RBMS3: variants seen among roughly 807,000 people sequenced by gnomAD.
RBMS3 encodes the protein RNA binding motif single stranded interacting protein 3.
In RBMS3, 27 loss-of-function variants were observed where a neutral mutation model predicts 66.8. The ratio of observed to expected loss-of-function variants is 0.40; its 90% CI spans 0.30 to 0.56. The LOEUF is 0.56. Ranked by LOEUF, RBMS3 falls within the 20% of genes least tolerant of loss-of-function variation. The pLI, the probability that RBMS3 is intolerant of heterozygous loss-of-function variation, is 0.40. For missense variants in RBMS3, 513 were observed against 549.5 expected (o/e 0.93, Z 0.66); for synonymous variants, 188 against 183.0 (o/e 1.03, Z -0.22).
intron 12 of RBMS3, among the ~76,000 whole-genome samples, chr3:29,975,324 G>A (rs1697511944): frequency 1.3e-5 from 2 of 151,328 alleles, no homozygotes; most frequent in Admixed American, 6.6e-5. Flanking sequence ...TTCTGCAAAT[G>A]TTCTGCTTAA....
At chr3:29,931,316 G>A (rs1423994455) in intron 10 of RBMS3, among the ~76,000 whole-genome samples, 1 of 152,118 alleles carries the variant, frequency 6.6e-6, no homozygotes, top group East Asian at 1.9e-4. Flanking sequence ...CAATAATAAA[G>A]GGGAAGGAGG....
intron 1 of RBMS3, among the ~76,000 whole-genome samples, chr3:29,361,479 C>T (rs12631178): frequency 6.6e-6 from 1 of 152,008 alleles, no homozygotes; most frequent in Non-Finnish European, 1.5e-5. Context: ...CTGCCCTTAA[C>T]ATTTTTTCCT....
At chr3:29,765,311 T>G (rs906321843) in intron 6 of RBMS3, among the ~76,000 whole-genome samples, 1 of 151,966 alleles carries the variant, frequency 6.6e-6, no homozygotes, top group Non-Finnish European at 1.5e-5. Context: ...CTTTCAGAAA[T>G]GTATGTCTTA....
intron 12 of RBMS3, among the ~76,000 whole-genome samples, chr3:29,969,068 A>C (rs1214779814): frequency 8.1e-6 from 1 of 122,908 alleles, no homozygotes; most frequent in Non-Finnish European, 1.5e-5. Flanking sequence ...GAAAATAATT[A>C]AAGTAATTAG....
intron 1 of RBMS3, among the ~76,000 whole-genome samples, chr3:29,343,366 A>G (rs2036391655): frequency 6.6e-6 from 1 of 152,152 alleles, no homozygotes; most frequent in South Asian, 2.1e-4. Context: ...TGAGAAATCT[A>G]CATTAATTGA....
At chr3:29,433,961 CA>C (rs1244365570) in intron 1 of RBMS3, among the ~76,000 whole-genome samples, 1 of 152,114 alleles carries the variant, frequency 6.6e-6, no homozygotes. Flanking sequence ...GGGGAATGGG[CA>C]TTACTAGAAT....
chr3:29,307,992 T>A (rs933103137), intron 1 of RBMS3, among the ~76,000 whole-genome samples: 28 of 151,918 alleles, frequency 1.8e-4, no homozygotes, highest in African/African-American at 6.8e-4. Flanking sequence ...CTCACACTTT[T>A]GCTTTTGAGT....
At chr3:29,752,780 A>G (rs2055238821) in intron 5 of RBMS3, among the ~76,000 whole-genome samples, 1 of 152,090 alleles carries the variant, frequency 6.6e-6, no homozygotes, top group South Asian at 2.1e-4. Flanking sequence ...TCACAAAAAC[A>G]TGACTCTTAG....
At chr3:29,528,759 G>A (rs2045235323) in intron 3 of RBMS3, among the ~76,000 whole-genome samples, 2 of 152,076 alleles carry the variant, frequency 1.3e-5, no homozygotes, top group Non-Finnish European at 2.9e-5. Flanking sequence ...TTGAGATGGA[G>A]TTTTACTCCT....
At chr3:29,586,660 G>A (rs865868677) in intron 3 of RBMS3, among the ~76,000 whole-genome samples, 37 of 152,186 alleles carry the variant, frequency 2.4e-4, no homozygotes, top group Non-Finnish European at 2.2e-4. Context: ...TGTGTGCCAA[G>A]CACTACTGCA....
rs796877027 is a variant in RBMS3 at position 29,822,796 on chromosome 3, C to T, written c.638-46062C>T. ...CATTAATATCGCTGTTCATGTCTAC[C>T]TATGATGGTGTCATGGCTGCCATAT... On this transcript the variant is annotated intron_variant, in intron 6 of 14. Transcript: ENST00000383767. Among the ~76,000 whole-genome samples the T allele has an allele frequency of 5.9e-5, 9 of 152,256 alleles. 1 individual carries two copies. Among genetic ancestry groups the T allele is most frequent in the African/African-American group, 1.7e-4 (7 of 41,564 alleles).
At chr3:29,285,205 T>G (rs1229033323) in intron 1 of RBMS3, among the ~76,000 whole-genome samples, 3 of 131,186 alleles carry the variant, frequency 2.3e-5, no homozygotes, top group Admixed American at 8.1e-5. Flanking sequence ...CTGAATTTCA[T>G]TCTGAATTTT....
At chr3:29,417,900 A>G (rs2040543595) in intron 1 of RBMS3, among the ~76,000 whole-genome samples, 1 of 152,184 alleles carries the variant, frequency 6.6e-6, no homozygotes, top group African/African-American at 2.4e-5. Flanking sequence ...TTTTGGTAAA[A>G]CAAATGTAAA....
At chr3:29,594,712 A>G (rs897776053) in intron 4 of RBMS3, among the ~76,000 whole-genome samples, 2 of 152,182 alleles carry the variant, frequency 1.3e-5, no homozygotes, top group African/African-American at 4.8e-5. Context: ...GGCTATGTCA[A>G]TTTGGCTCAG....
chr3:29,767,206 T>C lies in RBMS3; in HGVS notation c.637+4217T>C, dbSNP rs1258091517. 2 of 151,954 alleles carry C rather than the reference T, an allele frequency of 1.3e-5. 1 individual carries two copies. The highest frequency in any genetic ancestry group is 1.3e-4 in the Admixed American group (2 of 15,216). 9.4% of individuals were successfully genotyped at this position (151,954 alleles called of 1,614,324 possible). On this transcript the variant is annotated intron_variant, in intron 6 of 14. Transcript: ENST00000383767. ...GCCCCCAGAGCAGAATGATACACCATGCGGAAAAGGTTTTCACATGTAGGG... is the reference window on the plus strand; with the variant it reads ...GCCCCCAGAGCAGAATGATACACCACGCGGAAAAGGTTTTCACATGTAGGG...
chr3:29,435,095 T>C (rs2041349562), intron 2 of RBMS3, 180 bp downstream of exon 2: 3 of 666,420 alleles, frequency 4.5e-6, no homozygotes, highest in Non-Finnish European at 7.3e-6. Flanking sequence ...GGAATTGGTT[T>C]ACTTTTTGTT....
At chr3:29,985,565 C>T (rs929802196) in intron 12 of RBMS3, among the ~76,000 whole-genome samples, 17 of 152,216 alleles carry the variant, frequency 1.1e-4, no homozygotes, top group South Asian at 2.1e-4. Context: ...TGTTCCTTAC[C>T]GCACAGTCCC....
chr3:29,322,899 C>G (rs1478209339), intron 1 of RBMS3, among the ~76,000 whole-genome samples: 1 of 152,074 alleles, frequency 6.6e-6, no homozygotes, highest in Non-Finnish European at 1.5e-5. Flanking sequence ...CTAGGGCAGC[C>G]TATTTTTTGA....
intron 10 of RBMS3, among the ~76,000 whole-genome samples, chr3:29,932,129 AC>A (rs2061145548): frequency 6.6e-6 from 1 of 152,210 alleles, no homozygotes; most frequent in South Asian, 2.1e-4. Flanking sequence ...TAGAAGCCAA[AC>A]TGATCAAATT....
Sources: allele counts gnomAD v4.1 joint callset (sites outside exome capture counted in the v4.1 genomes callset), GRCh38; gene constraint gnomAD v4.1.1; transcripts MANE v1.5; gene names NCBI Gene and HGNC (gene_info 2026-07-23, HGNC 2026-07-21).